The following LRBA variants were observed in gnomAD, a reference collection of about 807,000 sequenced individuals.
LRBA encodes the protein lipopolysaccharide-responsive and beige-like anchor protein.
A neutral mutation model predicts 330.0 loss-of-function variants in LRBA; 176 were observed. That is an observed-to-expected ratio of 0.53 (90% CI 0.47 to 0.60). The LOEUF is 0.60. Among genes scored for constraint, LRBA ranks in the 20% least tolerant of loss-of-function variants. The pLI, the probability that LRBA is intolerant of heterozygous loss-of-function variation, is 0.00. For missense variants in LRBA, 3,259 were observed against 3,444.8 expected, an observed-to-expected ratio of 0.95 and a Z score of 1.35; for synonymous variants, 1,230 against 1,193.0, an observed-to-expected ratio of 1.03 and a Z score of -0.64.
At chr4:150,428,436 T>C (rs1749928010) in intron 46 of LRBA, among the ~76,000 whole-genome samples, 1 of 152,108 alleles carries the variant, frequency 6.6e-6, no homozygotes. Context: ...AGTTCTCTTG[T>C]GGACATAAAA....
At chr4:150,731,446 G>C (rs1730444556) in intron 36 of LRBA, among the ~76,000 whole-genome samples, 1 of 152,140 alleles carries the variant, frequency 6.6e-6, no homozygotes, top group Non-Finnish European at 1.5e-5. Flanking sequence ...ACACAATGGA[G>C]TACTAGTCAG....
At chr4:150,516,320 A>G (rs1762357624) in intron 40 of LRBA, among the ~76,000 whole-genome samples, 1 of 143,692 alleles carries the variant, frequency 7.0e-6, no homozygotes, top group African/African-American at 2.6e-5. Flanking sequence ...CAAAGCACCT[A>G]GACTGTACAG....
Position 150,908,750 on chromosome 4 carries a change from T to C in LRBA, c.1269A>G (p.Pro423=), listed in dbSNP as rs1189551586. The C allele has an allele frequency of 6.2e-7, 1 of 1,613,712 alleles. No homozygotes were observed. The highest frequency in any genetic ancestry group is 8.5e-7 in the Non-Finnish European group (1 of 1,179,752). Residue 423 remains proline (P), a synonymous_variant, in exon 10 of 57, where the codon CCA becomes CCG. Transcript: ENST00000651943. ...GACAAAGCTGGGCATCTGTAGCCCG[T>C]GGATTGTACGTGAATGCAATGGCAC... ...LSSAIAFTYN[P]RATDAQLCLE...
chr4:150,977,942 C>T (rs1196305699), intron 2 of LRBA, among the ~76,000 whole-genome samples: 2 of 152,240 alleles, frequency 1.3e-5, no homozygotes, highest in Non-Finnish European at 2.9e-5. Flanking sequence ...TCTAGACCTG[C>T]CAAGGGCCTC....
intron 47 of LRBA, among the ~76,000 whole-genome samples, chr4:150,402,434 A>G (rs1196518080): frequency 1.3e-5 from 2 of 152,120 alleles, no homozygotes; most frequent in Non-Finnish European, 2.9e-5. Flanking sequence ...CAAAAACTCA[A>G]AAATTGATTT....
chr4:151,001,907 C>A (rs1308049183), intron 2 of LRBA, among the ~76,000 whole-genome samples: 2 of 152,032 alleles, frequency 1.3e-5, no homozygotes, highest in Admixed American at 6.5e-5. Context: ...AACATGGCAC[C>A]TCAGTCCCCA....
intron 42 of LRBA, among the ~76,000 whole-genome samples, chr4:150,472,221 G>C (rs1756216638): frequency 6.6e-6 from 1 of 152,076 alleles, no homozygotes; most frequent in Middle Eastern, 3.4e-3. Context: ...TCTGTTCATG[G>C]GGTAAAGAGA....
intron 47 of LRBA, among the ~76,000 whole-genome samples, chr4:150,359,329 G>A (rs907007956): frequency 7.9e-5 from 12 of 152,184 alleles, no homozygotes; most frequent in Non-Finnish European, 1.5e-4. Flanking sequence ...AAGAAGGAAA[G>A]GGGAGCAAAA....
chr4:150,699,242 AG>A (rs1170884726), intron 36 of LRBA, among the ~76,000 whole-genome samples: 1 of 152,142 alleles, frequency 6.6e-6, no homozygotes, highest in Non-Finnish European at 1.5e-5. Context: ...CTGGGGAAAG[AG>A]GGAGACAGAG....
chr4:150,559,681 ATAT>A (rs1449182058), intron 40 of LRBA, among the ~76,000 whole-genome samples: 7 of 83,264 alleles, frequency 8.4e-5, no homozygotes, highest in South Asian at 5.5e-4. Context: ...ATTATATAAT[ATAT>A]TATATTATAT....
intron 40 of LRBA, among the ~76,000 whole-genome samples, chr4:150,577,420 T>TAAAA (rs35865758): frequency 6.7e-6 from 1 of 148,852 alleles, no homozygotes; most frequent in Non-Finnish European, 1.5e-5. Flanking sequence ...TTCATTTTTT[T>TAAAA]AAAAAAAAAA....
chr4:150,846,998 G>A (rs1484304805), intron 26 of LRBA, among the ~76,000 whole-genome samples: 1 of 152,012 alleles, frequency 6.6e-6, no homozygotes, highest in African/African-American at 2.4e-5. Flanking sequence ...ACTCTTTCTA[G>A]GAAAGTGAAA....
At chr4:150,901,040 G>A (rs1437589434) in intron 13 of LRBA, among the ~76,000 whole-genome samples, 1 of 152,126 alleles carries the variant, frequency 6.6e-6, no homozygotes, top group African/African-American at 2.4e-5. Flanking sequence ...ATTCACGCCT[G>A]TAATTTCAGC....
intron 28 of LRBA, among the ~76,000 whole-genome samples, chr4:150,841,599 T>G (rs1028113817): frequency 1.3e-5 from 2 of 152,168 alleles, no homozygotes; most frequent in South Asian, 4.1e-4. Flanking sequence ...AGAAATTTAT[T>G]TATGTCGTCG....
intron 30 of LRBA, among the ~76,000 whole-genome samples, chr4:150,824,362 T>A (rs905791846): frequency 9.2e-5 from 14 of 152,216 alleles, no homozygotes; most frequent in African/African-American, 2.9e-4. Flanking sequence ...GATCATATCA[T>A]CTGCAAACAA....
At chr4:150,474,873 G>C (rs62344694) in intron 42 of LRBA, among the ~76,000 whole-genome samples, 32,497 of 151,982 alleles carry the variant, frequency 0.21, 4,358 homozygotes, top group Non-Finnish European at 0.3. Flanking sequence ...CTAAACTTAG[G>C]GGGAAAGTAT....
rs546395130 is a variant in LRBA, at chr4:150,983,737, G to A, written c.216+30690C>T. Among the ~76,000 whole-genome samples, 7 of 151,206 alleles carry A rather than the reference G, an allele frequency of 4.6e-5. No homozygotes were observed. The East Asian group carries it at 9.8e-4, about 21-fold the overall frequency. On this transcript the variant is annotated intron_variant, in intron 2 of 56. Coordinates refer to ENST00000651943, the MANE Select transcript of LRBA (RefSeq NM_001364905.1). The stretch of plus-strand genomic sequence containing the variant: ...CCCAAACTGCTGGGATTACAGGTGT[G>A]AGCCACCACGCCAGGCTGGCGAGTA...
chr4:150,676,786 T>C (rs1782597414), intron 37 of LRBA, among the ~76,000 whole-genome samples: 2 of 152,164 alleles, frequency 1.3e-5, no homozygotes, highest in Admixed American at 6.5e-5. Flanking sequence ...CTACAGAGAC[T>C]TAAAAGTTCA....
At chr4:150,568,771 G>A (rs943995400) in intron 40 of LRBA, among the ~76,000 whole-genome samples, 8 of 151,990 alleles carry the variant, frequency 5.3e-5, no homozygotes, top group African/African-American at 1.9e-4. Context: ...CATCCTCAAA[G>A]CTCTACTCAC....
Sources: gnomAD v4.1 joint callset for allele counts (sites outside exome capture counted in the v4.1 genomes callset) on GRCh38, gnomAD v4.1.1 for gene constraint, MANE v1.5 for transcripts, NCBI Gene and HGNC (gene_info 2026-07-23, HGNC 2026-07-21) for gene names.